CASK: variants seen among roughly 807,000 people sequenced by gnomAD.
CASK encodes peripheral plasma membrane protein CASK.
Under a neutral mutation model 82.9 loss-of-function variants are expected in CASK, and 4 were observed. The ratio of observed to expected loss-of-function variants is 0.05; its 90% CI spans 0.02 to 0.11. CASK has a LOEUF of 0.11. Ranked by LOEUF, CASK falls within the 10% of genes least tolerant of loss-of-function variation. CASK has a pLI of 1.00. For synonymous variants in CASK, 259 were observed against 253.5 expected (o/e 1.02, Z -0.20); for missense variants, 358 against 720.9 (o/e 0.50, Z 5.76).
At chrX:41,648,003 C>T (rs754164142) in intron 8 of CASK, among the ~76,000 whole-genome samples, 10 of 112,192 alleles carry the variant, frequency 8.9e-5, no homozygotes, top group Admixed American at 5.7e-4. Flanking sequence ...TCAAGGAATA[C>T]GAGAGATAAC....
intron 3 of CASK, among the ~76,000 whole-genome samples, chrX:41,767,753 T>C (rs1018418541): frequency 1.8e-5 from 2 of 111,526 alleles, no homozygotes; most frequent in African/African-American, 6.5e-5. Flanking sequence ...GGGTTATGGG[T>C]TTCTTGGGAA....
intron 2 of CASK, among the ~76,000 whole-genome samples, chrX:41,809,672 A>G (rs776390290): frequency 1.8e-5 from 2 of 112,195 alleles, no homozygotes; most frequent in South Asian, 7.4e-4. Flanking sequence ...AATTCTAAAA[A>G]TCAGAGTGCC....
rs1265210801 is a variant in CASK, at chrX:41,802,638, TATC to T, written c.173-15358_173-15356del. 2.7e-5 allele frequency among the ~76,000 whole-genome samples: 3 copies of T among 111,842 alleles called. No individual in the cohort carries two copies. In the Admixed American group the frequency reaches 2.9e-4, roughly 11 times the overall value. The stretch of plus-strand genomic sequence containing the variant: ...TTTTAGGGCACTGGGGTAAAGAGAA[TATC>T]ATTAAAGCTTTGGGAGAAAAACGGC... On this transcript the variant is annotated intron_variant, in intron 2 of 26. Transcript: ENST00000378163.
intron 25 of CASK, chrX:41,524,818 G>A (rs990609657): frequency 1.8e-5 from 2 of 111,122 alleles, no homozygotes; most frequent in East Asian, 2.8e-4. Flanking sequence ...CTCCTCCCCA[G>A]GAGGATATGA....
chrX:41,857,286 C>T (rs745621822), intron 1 of CASK, among the ~76,000 whole-genome samples: 10 of 110,632 alleles, frequency 9.0e-5, no homozygotes, highest in Non-Finnish European at 1.7e-4. Flanking sequence ...AGCATAGCAC[C>T]CCCTGCAGCT....
At chrX:41,598,461 C>T (rs185284627) in intron 12 of CASK, among the ~76,000 whole-genome samples, 61 of 111,130 alleles carry the variant, frequency 5.5e-4, no homozygotes, top group Non-Finnish European at 1.1e-4. Context: ...AAGCAATTCT[C>T]CTGCCTTAGC....
intron 5 of CASK, among the ~76,000 whole-genome samples, chrX:41,692,855 T>G (rs942759634): frequency 8.9e-6 from 1 of 112,101 alleles, no homozygotes; most frequent in Non-Finnish European, 1.9e-5. Flanking sequence ...ACTACGCTAG[T>G]GATAGAGCAA....
rs2064616045 is a variant in CASK at position 41,520,176 on chromosome X, A to G, written c.*244T>C. ...CATTCCAAAGGATTGAATAATACAT[A>G]CATTTAAAGATACATTTTATTAAAG... On this transcript the variant is annotated 3_prime_UTR_variant, in exon 27 of 27. Transcript: ENST00000378163. The G allele has an allele frequency of 3.1e-6, 1 of 326,963 alleles. No individual in the cohort carries two copies. Among genetic ancestry groups the G allele is most frequent in the Non-Finnish European group, 5.3e-6 (1 of 187,013 alleles). The allele number at this position is 326,963 out of a possible 1,213,427, so 26.9% of individuals were successfully genotyped here.
intron 9 of CASK, among the ~76,000 whole-genome samples, chrX:41,632,076 G>A (rs1382327914): frequency 9.0e-6 from 1 of 110,905 alleles, no homozygotes; most frequent in Admixed American, 9.7e-5. Context: ...GACCACAGGC[G>A]TGTGCAACCA....
At chrX:41,602,145 A>G (rs1214870885) in intron 12 of CASK, among the ~76,000 whole-genome samples, 1 of 111,807 alleles carries the variant, frequency 8.9e-6, no homozygotes, top group Non-Finnish European at 1.9e-5. Flanking sequence ...GTTGACTTCT[A>G]CAAAGAAATC....
chrX:41,665,718 G>A (rs1352526955), intron 6 of CASK: 2 of 367,066 alleles, frequency 5.4e-6, no homozygotes, highest in Non-Finnish European at 9.4e-6. Flanking sequence ...TACGTAGTAG[G>A]TATTTATGTG....
intron 5 of CASK, among the ~76,000 whole-genome samples, chrX:41,701,607 C>A (rs776383277): frequency 8.9e-6 from 1 of 112,330 alleles, no homozygotes; most frequent in East Asian, 2.8e-4. Context: ...CATGGCCCAG[C>A]TGAGTGGCTG....
chrX:41,683,524 G>A (rs2067396315), intron 5 of CASK: 1 of 112,161 alleles, frequency 8.9e-6, no homozygotes, highest in African/African-American at 3.2e-5. Context: ...GGCTGGGAGT[G>A]GTGGCTCATG....
Position 41,923,108 on chromosome X carries a change from T to G in CASK, c.-120A>C. On this transcript the variant is annotated 5_prime_UTR_variant, in exon 1 of 27. Coordinates refer to ENST00000378163, the MANE Select transcript of CASK (RefSeq NM_001367721.1). ...CCCCTCAGGACCCGCGAGCCCTCGG[T>G]GCCGAGGACGCTCGAGTGGGGCCGC... 1 of 571,031 alleles carries G rather than the reference T, an allele frequency of 1.8e-6. No individual in the cohort carries two copies. The highest frequency in any genetic ancestry group is 2.8e-6 in the Non-Finnish European group (1 of 354,714). The allele number at this position is 571,031 out of a possible 1,213,427, so 47.1% of individuals were successfully genotyped here.
At chrX:41,575,630 G>C (rs1160851840) in intron 15 of CASK, among the ~76,000 whole-genome samples, 1 of 111,102 alleles carries the variant, frequency 9.0e-6, no homozygotes, top group Non-Finnish European at 1.9e-5. Flanking sequence ...CATTGCAGAG[G>C]GTCTGAAAAA....
chrX:41,690,656 C>A (rs1011981732), intron 5 of CASK, among the ~76,000 whole-genome samples: 2 of 106,315 alleles, frequency 1.9e-5, no homozygotes, highest in African/African-American at 6.9e-5. Context: ...CCACTGCTCC[C>A]GGCCAATTTT....
chrX:41,767,520 C>A (rs1379163332), intron 3 of CASK, among the ~76,000 whole-genome samples: 1 of 112,017 alleles, frequency 8.9e-6, no homozygotes, highest in Non-Finnish European at 1.9e-5. Context: ...CCAGACTTTA[C>A]CTGGACTTCA....
chrX:41,556,125 C>A (rs1238501921), intron 19 of CASK: 1 of 113,378 alleles, frequency 8.8e-6, no homozygotes, highest in Non-Finnish European at 1.8e-5. Context: ...TTCATAATTT[C>A]TCTTACGATA....
chrX:41,825,358 T>C (rs1286528119), intron 2 of CASK, among the ~76,000 whole-genome samples: 1 of 111,936 alleles, frequency 8.9e-6, no homozygotes, highest in Non-Finnish European at 1.9e-5. Context: ...GATTAGATTA[T>C]CTAAAGTGAT....
Sources: allele counts gnomAD v4.1 joint callset (sites outside exome capture counted in the v4.1 genomes callset), GRCh38; gene constraint gnomAD v4.1.1; transcripts MANE v1.5; gene names NCBI Gene and HGNC (gene_info 2026-07-23, HGNC 2026-07-21).